Variants in FAM81A observed in about 807,000 individuals in gnomAD.
FAM81A encodes protein FAM81A.
Under a neutral mutation model 46.7 loss-of-function variants are expected in FAM81A, and 19 were observed. The ratio of observed to expected loss-of-function variants is 0.41; its 90% CI spans 0.28 to 0.60. The LOEUF (loss-of-function observed/expected upper bound fraction) is 0.60. Ranked by LOEUF, FAM81A falls within the 20% of genes least tolerant of loss-of-function variation. The pLI is 0.34. For synonymous variants in FAM81A, 183 were observed against 152.9 expected, an observed-to-expected ratio of 1.20 and a Z score of -1.45; for missense variants, 377 against 453.5, an observed-to-expected ratio of 0.83 and a Z score of 1.53.
At chr15:59,401,766 C>A in intron 1 of FAM81A, 1 of 658,220 alleles carries the variant, frequency 1.5e-6, no homozygotes, top group Non-Finnish European at 2.6e-6. Flanking sequence ...GGAGTCTTTT[C>A]AGCATTTTTT....
chr15:59,431,233 C>CT (rs1213268542), intron 2 of FAM81A, among the ~76,000 whole-genome samples: 99 of 149,468 alleles, frequency 6.6e-4, no homozygotes, highest in Admixed American at 1.5e-3. Context: ...TTGCTATTAT[C>CT]TTTTTTTTTT....
intron 2 of FAM81A, among the ~76,000 whole-genome samples, chr15:59,429,130 C>A (rs541179999): frequency 5.9e-5 from 9 of 152,286 alleles, no homozygotes; most frequent in African/African-American, 2.2e-4. Flanking sequence ...TTTAAAGGTA[C>A]TATTCTTTCT....
chr15:59,463,548 T>C (rs898093492), intron 3 of FAM81A, among the ~76,000 whole-genome samples: 1 of 152,126 alleles, frequency 6.6e-6, no homozygotes, highest in African/African-American at 2.4e-5. Flanking sequence ...TTTGCATGTA[T>C]AGATTTTAAA....
At chr15:59,452,384 C>T (rs910828693) in intron 1 of FAM81A, among the ~76,000 whole-genome samples, 6 of 152,198 alleles carry the variant, frequency 3.9e-5, no homozygotes, top group African/African-American at 7.2e-5. Flanking sequence ...TAGTGGCTCA[C>T]GCCTGTAATT....
intron 3 of FAM81A, among the ~76,000 whole-genome samples, chr15:59,482,162 T>C (rs1444941991): frequency 6.6e-6 from 1 of 152,214 alleles, no homozygotes; most frequent in African/African-American, 2.4e-5. Flanking sequence ...TGTGTTTTTT[T>C]AAGCCCCTTT....
chr15:59,511,548 C>T (rs1358378344), intron 6 of FAM81A, among the ~76,000 whole-genome samples: 1 of 152,228 alleles, frequency 6.6e-6, no homozygotes, highest in Non-Finnish European at 1.5e-5. Flanking sequence ...AGAAAACAGT[C>T]TGGTGTTTTC....
upstream of FAM81A, among the ~76,000 whole-genome samples, chr15:59,434,810 G>T (rs935591122): frequency 6.6e-6 from 1 of 152,188 alleles, no homozygotes; most frequent in African/African-American, 2.4e-5. Context: ...ACTCACCACA[G>T]CCTTGGCCCA....
At chr15:59,510,188 A>C (rs571413835) in intron 6 of FAM81A, among the ~76,000 whole-genome samples, 1 of 152,232 alleles carries the variant, frequency 6.6e-6, no homozygotes, top group Non-Finnish European at 1.5e-5. Flanking sequence ...TAACATGGTG[A>C]AACCCTGTCT....
At chr15:59,488,072 A>G (rs181318367) in intron 3 of FAM81A, among the ~76,000 whole-genome samples, 1 of 152,242 alleles carries the variant, frequency 6.6e-6, no homozygotes, top group Non-Finnish European at 1.5e-5. Context: ...ATCATTCATC[A>G]TTAACAAGTG....
At chr15:59,435,542 C>T (rs2081239564), upstream of FAM81A, among the ~76,000 whole-genome samples, 1 of 152,174 alleles carries the variant, frequency 6.6e-6, no homozygotes, top group South Asian at 2.1e-4. Flanking sequence ...ATCACCTGAA[C>T]CCAGGAGGCA....
chr15:59,403,325 T>C (rs2081080228), intron 2 of FAM81A, among the ~76,000 whole-genome samples: 1 of 151,528 alleles, frequency 6.6e-6, no homozygotes, highest in Admixed American at 6.6e-5. Context: ...GACCATAAGA[T>C]TGGAGTCCTA....
At chr15:59,520,859 A>C (rs903321327) in intron 8 of FAM81A, among the ~76,000 whole-genome samples, 1 of 152,130 alleles carries the variant, frequency 6.6e-6, no homozygotes, top group Non-Finnish European at 1.5e-5. Context: ...CCACCGTACC[A>C]GGCCTGTTTG....
intron 3 of FAM81A, among the ~76,000 whole-genome samples, chr15:59,483,692 T>G (rs1464730072): frequency 1.3e-5 from 2 of 152,178 alleles, no homozygotes; most frequent in African/African-American, 4.8e-5. Flanking sequence ...CTTGGATTGG[T>G]GCAGAAGGCA....
At chr15:59,402,824 G>A (rs2081077871) in intron 2 of FAM81A, among the ~76,000 whole-genome samples, 1 of 152,272 alleles carries the variant, frequency 6.6e-6, no homozygotes, top group South Asian at 2.1e-4. Context: ...AAAGTGCTGG[G>A]ATTACAGCTG....
chr15:59,437,362 C>T (rs1433966016), upstream of FAM81A, among the ~76,000 whole-genome samples: 1 of 151,686 alleles, frequency 6.6e-6, no homozygotes, highest in African/African-American at 2.4e-5. Flanking sequence ...GTCGTGTCCC[C>T]CGCAACTCCG....
intron 2 of FAM81A, 113 bp from the exon 3 acceptor site, chr15:59,459,820 T>G: frequency 2.9e-6 from 4 of 1,389,928 alleles, no homozygotes; most frequent in Non-Finnish European, 3.8e-6. Context: ...TCAAACCCTA[T>G]TTAGCTTGTA....
intron 3 of FAM81A, among the ~76,000 whole-genome samples, chr15:59,484,583 A>G (rs1332384881): frequency 5.9e-5 from 9 of 152,140 alleles, no homozygotes; most frequent in Non-Finnish European, 8.8e-5. Flanking sequence ...TTTATGGGAC[A>G]TTGTTTTGGA....
At chr15:59,423,064 C>T (rs1416212792) in intron 2 of FAM81A, among the ~76,000 whole-genome samples, 5 of 152,046 alleles carry the variant, frequency 3.3e-5, no homozygotes, top group African/African-American at 1.2e-4. Context: ...CTCACAACAA[C>T]CTAATGAAAT....
chr15:59,442,640 A>G (rs12910302), intron 1 of FAM81A, among the ~76,000 whole-genome samples: 1 of 142,210 alleles, frequency 7.0e-6, no homozygotes, highest in Non-Finnish European at 1.5e-5. Flanking sequence ...AAAAAAAAAA[A>G]GAAAAGAAAA....
Sources: gnomAD v4.1 joint callset for allele counts (sites outside exome capture counted in the v4.1 genomes callset) on GRCh38, gnomAD v4.1.1 for gene constraint, MANE v1.5 for transcripts, NCBI Gene and HGNC (gene_info 2026-07-23, HGNC 2026-07-21) for gene names.